BRMS1L: variants seen among roughly 807,000 people sequenced by gnomAD.
BRMS1L encodes the protein BRMS1 like transcriptional repressor.
In BRMS1L, 23 loss-of-function variants were observed where a neutral mutation model predicts 50.3. The observed-to-expected ratio is 0.46, with a 90% CI of 0.33 to 0.65. The LOEUF is 0.65. Ranked by LOEUF, BRMS1L falls within the 30% of genes least tolerant of loss-of-function variation. BRMS1L has a pLI of 0.02. For missense variants in BRMS1L, 286 were observed against 386.1 expected (o/e 0.74, Z 2.17); for synonymous variants, 114 against 126.9 (o/e 0.90, Z 0.69).
chr14:35,831,280 A>G, intron 1 of BRMS1L, 130 bp from the exon 2 acceptor site: 1 of 618,534 alleles, frequency 1.6e-6, no homozygotes, highest in South Asian at 2.3e-5. Flanking sequence ...TTTTCTTTTA[A>G]GGCTTAATAT....
At chr14:35,832,013 C>A (rs568468640) in intron 2 of BRMS1L, among the ~76,000 whole-genome samples, 1 of 152,186 alleles carries the variant, frequency 6.6e-6, no homozygotes, top group South Asian at 2.1e-4. Context: ...TGACAGCTGG[C>A]AAATTAGAGT....
In BRMS1L at chr14:35,845,359, T is replaced by C. The variant is rs965054084; in HGVS notation, c.441+10436T>C. 3.9e-5 allele frequency among the ~76,000 whole-genome samples: 6 copies of C among 152,356 alleles called. No homozygotes were observed. In the East Asian group the frequency reaches 1.2e-3, roughly 29 times the overall value. ...CAAGTATGATATTTTCTTTTGAGTT[T>C]TGGTAAATGCTTTTTGTCAAGTTAA... On this transcript the variant is annotated intron_variant, in intron 4 of 9. Coordinates refer to ENST00000216807, the MANE Select transcript of BRMS1L (RefSeq NM_032352.4).
intron 1 of BRMS1L, chr14:35,829,891 A>G (rs1051992262): frequency 5.2e-6 from 6 of 1,161,484 alleles, no homozygotes; most frequent in Middle Eastern, 2.6e-4. Context: ...GAAAATGTGG[A>G]CTATAGGACA....
chr14:35,830,812 CTAAT>C (rs1678827769), intron 1 of BRMS1L, among the ~76,000 whole-genome samples: 1 of 152,024 alleles, frequency 6.6e-6, no homozygotes, highest in South Asian at 2.1e-4. Flanking sequence ...CAAATGTGGG[CTAAT>C]TACTTTATAG....
At chr14:35,835,857 T>A (rs1567300987) in intron 4 of BRMS1L, among the ~76,000 whole-genome samples, 2 of 152,054 alleles carry the variant, frequency 1.3e-5, no homozygotes, top group African/African-American at 4.8e-5. Flanking sequence ...AAATAGCAAC[T>A]ACAACAACAA....
chr14:35,828,338 A>G (rs1299525585), intron 1 of BRMS1L, among the ~76,000 whole-genome samples: 1 of 149,690 alleles, frequency 6.7e-6, no homozygotes, highest in Non-Finnish European at 1.5e-5. Flanking sequence ...ACACCAAGCT[A>G]ATTTTTTGTA....
At chr14:35,864,890 C>A (rs1566430635) in intron 6 of BRMS1L, 45 bp from the exon 7 acceptor site, 2 of 1,285,752 alleles carry the variant, frequency 1.6e-6, no homozygotes, top group South Asian at 1.3e-5. Flanking sequence ...AAATATAATT[C>A]AAAGTGTGAT....
intron 4 of BRMS1L, among the ~76,000 whole-genome samples, chr14:35,860,828 C>A (rs1192548250): frequency 6.6e-6 from 1 of 152,130 alleles, no homozygotes; most frequent in African/African-American, 2.4e-5. Flanking sequence ...TAGGCGTCAG[C>A]CTGGGAAAGG....
At position 35,833,068 on chromosome 14, in the gene BRMS1L, T is replaced by C; in HGVS notation, c.324T>C (p.Thr108=). 6.2e-7 allele frequency: 1 copy of C among 1,613,370 alleles called. No homozygotes were observed. Among genetic ancestry groups the C allele is most frequent in the Non-Finnish European group, 8.5e-7 (1 of 1,179,584 alleles). The change falls in exon 3 of 10, where the codon ACT becomes ACC. Residue 108 remains threonine (T), a synonymous_variant. Transcript: ENST00000216807. The part of the protein sequence containing the change: ...KAPEYLEPLA[T]LQENMQIRTK... ...CAGAATACTTGGAACCGCTGGCAAC[T>C]TTACAGGAAAATATGCAAATTCGTA... is the stretch of plus-strand genomic sequence containing the variant.
intron 8 of BRMS1L, 113 bp downstream of exon 8, chr14:35,865,874 C>A: frequency 1.1e-6 from 1 of 925,072 alleles, no homozygotes; most frequent in Non-Finnish European, 1.7e-6. Flanking sequence ...CATCAGTGAA[C>A]ACCGTGCCTG....
chr14:35,846,902 C>A (rs1244849019), intron 4 of BRMS1L, among the ~76,000 whole-genome samples: 1 of 151,966 alleles, frequency 6.6e-6, no homozygotes, highest in Non-Finnish European at 1.5e-5. Flanking sequence ...TCTACTTTAT[C>A]TTTCCCTTAC....
At chr14:35,867,862 A>G (rs1159121235) in intron 8 of BRMS1L, 44 bp from the exon 9 acceptor site, 12 of 1,518,370 alleles carry the variant, frequency 7.9e-6, no homozygotes, top group Non-Finnish European at 8.8e-7. Context: ...TGTTCTTCTG[A>G]CAGTGTTTTA....
Position 35,826,418 on chromosome 14 carries a change from T to G in BRMS1L, c.-99T>G. The G allele has an allele frequency of 1.3e-6, 2 of 1,525,230 alleles. No homozygotes were observed. The highest frequency in any genetic ancestry group is 1.8e-6 in the Non-Finnish European group (2 of 1,133,872). 94.5% of individuals were successfully genotyped at this position (1,525,230 alleles called of 1,614,324 possible). On this transcript the variant is annotated 5_prime_UTR_variant, in exon 1 of 10. Coordinates refer to ENST00000216807, the MANE Select transcript of BRMS1L (RefSeq NM_032352.4). Reference sequence around the variant, plus strand: ...GGAGGAGCCAAGGGGGCGAGCAAGCTCGGTGGCTGGGTGGGTTGGGGCGTT... The same window carrying G: ...GGAGGAGCCAAGGGGGCGAGCAAGCGCGGTGGCTGGGTGGGTTGGGGCGTT...
intron 4 of BRMS1L, 38 bp downstream of exon 4, chr14:35,834,961 C>T: frequency 6.7e-7 from 1 of 1,498,334 alleles, no homozygotes. Context: ...CTAATTTCAT[C>T]TCTTCAAGCC....
chr14:35,871,259 G>A lies in BRMS1L; in HGVS notation c.*782G>A, dbSNP rs2078488260. The stretch of plus-strand genomic sequence containing the variant: ...TATAAGTGGTGAACAATAACTGACA[G>A]TATTGTGCTTGCTGTACATGTCTGG... On this transcript the variant is annotated 3_prime_UTR_variant, in exon 10 of 10. Coordinates refer to ENST00000216807, the MANE Select transcript of BRMS1L (RefSeq NM_032352.4). 6.6e-6 allele frequency: 1 copy of A among 152,606 alleles called. No individual in the cohort carries two copies. Among genetic ancestry groups the A allele is most frequent in the African/African-American group, 2.4e-5 (1 of 41,436 alleles). 9.5% of individuals were successfully genotyped at this position (152,606 alleles called of 1,614,324 possible). A position where few individuals can be genotyped will look rare whatever the true frequency, so the allele number is the denominator to read the frequency against.
chr14:35,866,029 T>C, intron 8 of BRMS1L: 1 of 370,156 alleles, frequency 2.7e-6, no homozygotes, highest in Non-Finnish European at 4.8e-6. Context: ...GCAGTGTTTT[T>C]TATGGGCTCT....
intron 4 of BRMS1L, among the ~76,000 whole-genome samples, chr14:35,839,283 A>G (rs2078032122): frequency 6.6e-6 from 1 of 152,150 alleles, no homozygotes; most frequent in Non-Finnish European, 1.5e-5. Context: ...GGCTTGTAAT[A>G]TAGTTTGAAG....
chr14:35,862,719 T>C, intron 5 of BRMS1L, 33 bp downstream of exon 5: 1 of 1,506,728 alleles, frequency 6.6e-7, no homozygotes, highest in Admixed American at 1.7e-5. Flanking sequence ...GATGTTTGAG[T>C]GGCACCAGAC....
intron 2 of BRMS1L, 71 bp from the exon 3 acceptor site, chr14:35,832,907 G>A (rs2142038021): frequency 2.2e-6 from 3 of 1,367,728 alleles, no homozygotes; most frequent in South Asian, 2.7e-5. Context: ...AACAAATAAT[G>A]TATAGAAATG....
Sources: gnomAD v4.1 joint callset for allele counts (sites outside exome capture counted in the v4.1 genomes callset) on GRCh38, gnomAD v4.1.1 for gene constraint, MANE v1.5 for transcripts, NCBI Gene and HGNC (gene_info 2026-07-23, HGNC 2026-07-21) for gene names.